KATNAL2: variants seen among roughly 807,000 people sequenced by gnomAD.
KATNAL2 encodes katanin p60 ATPase-containing subunit A-like 2.
KATNAL2 carries 52 observed loss-of-function variants against 76.3 expected under a neutral mutation model. The observed-to-expected ratio is 0.68, with a 90% CI of 0.55 to 0.86. KATNAL2 has a LOEUF of 0.86. Ranked by LOEUF, KATNAL2 falls within the 40% of genes least tolerant of loss-of-function variation. KATNAL2 has a pLI of 0.00. For missense variants in KATNAL2, 660 were observed against 668.9 expected, an observed-to-expected ratio of 0.99 and a Z score of 0.15; for synonymous variants, 243 against 244.2, an observed-to-expected ratio of 1.00 and a Z score of 0.05.
At chr18:46,961,803 T>G (rs1843156248) in intron 3 of KATNAL2, among the ~76,000 whole-genome samples, 1 of 152,210 alleles carries the variant, frequency 6.6e-6, no homozygotes, top group Non-Finnish European at 1.5e-5. Context: ...CATTTTTGAT[T>G]TGGGCTTTCT....
At chr18:47,089,395 T>C (rs2062907170) in intron 15 of KATNAL2, among the ~76,000 whole-genome samples, 1 of 152,254 alleles carries the variant, frequency 6.6e-6, no homozygotes. Flanking sequence ...ATATATTTTC[T>C]GGCAAGAGTA....
chr18:47,025,502 A>AGT (rs139200050), intron 3 of KATNAL2, among the ~76,000 whole-genome samples: 1 of 144,656 alleles, frequency 6.9e-6, no homozygotes, highest in East Asian at 2.0e-4. Flanking sequence ...TCTCTCTCTC[A>AGT]GTGTGTGTGT....
In KATNAL2 at chr18:47,090,415, T is replaced by G. The variant is rs78540750; in HGVS notation, c.1212-8828T>G. Among the ~76,000 whole-genome samples the G allele has an allele frequency of 5.5e-3, 835 of 152,206 alleles. 9 individuals carry two copies. The highest frequency in any genetic ancestry group is 0.019 in the African/African-American group (801 of 41,524). On this transcript the variant is annotated intron_variant, in intron 15 of 17. Coordinates refer to ENST00000683218, the MANE Select transcript of KATNAL2 (RefSeq NM_001387690.1). ...AGCCACCGCGCCCAGCCCGAAATAGTATTTCTTGAGCACCTGTTGGGTATT... is the reference window on the plus strand; with the variant it reads ...AGCCACCGCGCCCAGCCCGAAATAGGATTTCTTGAGCACCTGTTGGGTATT...
At chr18:46,932,749 G>A (rs1489499932) in intron 1 of KATNAL2, among the ~76,000 whole-genome samples, 2 of 150,240 alleles carry the variant, frequency 1.3e-5, no homozygotes, top group East Asian at 2.0e-4. Flanking sequence ...CCAAAACCAG[G>A]CAAAGGTAGT....
chr18:47,057,099 G>C lies in KATNAL2; in HGVS notation c.333-1136G>C, dbSNP rs112587607. 4.4e-3 allele frequency among the ~76,000 whole-genome samples: 670 copies of C among 152,230 alleles called. 4 individuals carry two copies. Among genetic ancestry groups the C allele is most frequent in the African/African-American group, 0.016 (651 of 41,538 alleles). ...CCATGTGGACATTGGTGGTGTTATC[G>C]ACATGTGTGGTCTTGCTGGCCAAAT... On this transcript the variant is annotated intron_variant, in intron 6 of 17. Coordinates refer to ENST00000683218, the MANE Select transcript of KATNAL2 (RefSeq NM_001387690.1).
intron 3 of KATNAL2, among the ~76,000 whole-genome samples, chr18:46,961,541 G>A (rs1307118571): frequency 6.6e-6 from 1 of 152,172 alleles, no homozygotes; most frequent in East Asian, 1.9e-4. Context: ...CCTATTACTA[G>A]CAATAAACTT....
intron 3 of KATNAL2, chr18:47,028,065 AC>A: frequency 1.9e-4 from 1 of 5,358 alleles, no homozygotes; most frequent in Non-Finnish European, 2.7e-4. Context: ...AGCACTTGAC[AC>A]CTGCAGGATT....
rs761204477 is a variant in KATNAL2 at position 47,033,216 on chromosome 18, G to T, written c.52-13241G>T. ...CGCTGCTGCTCTGGCTGGAGGGAGT[G>T]TGGCTGCTTCCCGCGGGCTTGGAGG... is the stretch of plus-strand genomic sequence containing the variant. On this transcript the variant is annotated intron_variant, in intron 3 of 17. Transcript: ENST00000683218. The T allele has an allele frequency of 1.1e-5, 17 of 1,614,036 alleles. No individual in the cohort carries two copies. In the Admixed American group the frequency reaches 2.0e-4, roughly 19 times the overall value.
chr18:46,931,742 G>A (rs72917144), intron 1 of KATNAL2, among the ~76,000 whole-genome samples: 11,539 of 150,814 alleles, frequency 0.077, 468 homozygotes, highest in African/African-American at 0.098. Context: ...AGAGGGAGAG[G>A]GGGAGGGAGG....
At chr18:46,951,806 C>T (rs2059565321) in intron 3 of KATNAL2, among the ~76,000 whole-genome samples, 1 of 152,090 alleles carries the variant, frequency 6.6e-6, no homozygotes, top group Non-Finnish European at 1.5e-5. Context: ...TTATTTTGAG[C>T]AGGGTCTTGC....
At chr18:46,920,684 T>A (rs528279917) in intron 1 of KATNAL2, among the ~76,000 whole-genome samples, 1 of 152,346 alleles carries the variant, frequency 6.6e-6, no homozygotes, top group Non-Finnish European at 1.5e-5. Context: ...TTCAAAGGAA[T>A]GGCTGAGTGG....
In KATNAL2 at chr18:47,068,371, C is replaced by T. The variant is rs183080356; in HGVS notation, c.826-849C>T. ...TCAATACATTTGGATTCTCTTTTCC[C>T]CCTCTTTCTTTCTGTGTTCACACTT... On this transcript the variant is annotated intron_variant, in intron 11 of 17. Transcript: ENST00000683218. 5.9e-5 allele frequency among the ~76,000 whole-genome samples: 9 copies of T among 152,296 alleles called. No homozygotes were observed. In the East Asian group the frequency reaches 1.7e-3, roughly 29 times the overall value.
At position 46,962,127 on chromosome 18, in the gene KATNAL2, G is replaced by A. The variant is rs959057921; in HGVS notation, c.51+15204G>A. ...ATAGGATTTTGGCTCAGCCCTCTAA[G>A]AAGCTGGGACCACAGGGGCCGTGCC... On this transcript the variant is annotated intron_variant, in intron 3 of 17. Transcript: ENST00000683218. Among the ~76,000 whole-genome samples, 16 of 135,778 alleles carry A rather than the reference G, an allele frequency of 1.2e-4. 1 individual carries two copies. Among genetic ancestry groups the A allele is most frequent in the Admixed American group, 3.6e-4 (5 of 13,986 alleles). The allele number at this position is 135,778 out of a possible 152,430, so 89.1% of individuals were successfully genotyped here.
At chr18:47,098,161 CTT>C (rs1312197358) in intron 15 of KATNAL2, 1 of 316,896 alleles carries the variant, frequency 3.2e-6, no homozygotes, top group Non-Finnish European at 6.2e-6. Flanking sequence ...TTTTATTCTA[CTT>C]TTATATTAGC....
At chr18:46,945,811 T>G (rs896780606) in intron 1 of KATNAL2, among the ~76,000 whole-genome samples, 5 of 152,232 alleles carry the variant, frequency 3.3e-5, no homozygotes, top group African/African-American at 1.2e-4. Context: ...GGTCAACAAT[T>G]TCACATGGTG....
At chr18:47,044,525 G>A (rs746620425) in intron 3 of KATNAL2, among the ~76,000 whole-genome samples, 104 of 144,472 alleles carry the variant, frequency 7.2e-4, no homozygotes, top group Non-Finnish European at 8.7e-4. Context: ...TTGGGAGGCC[G>A]AAGCAGGCGG....
rs749400801 is a variant in KATNAL2, at chr18:47,035,298, C to A, written c.52-11159C>A. ...AGCTGTGCAGGCGTCGCTGTCCCGGCGGTCGCAGCTCTGTCTTTGGGGCTG... is the reference window on the plus strand; with the variant it reads ...AGCTGTGCAGGCGTCGCTGTCCCGGAGGTCGCAGCTCTGTCTTTGGGGCTG... On this transcript the variant is annotated intron_variant, in intron 3 of 17. Coordinates refer to ENST00000683218, the MANE Select transcript of KATNAL2 (RefSeq NM_001387690.1). The A allele has an allele frequency of 1.9e-6, 3 of 1,611,606 alleles. No homozygotes were observed. The Admixed American group carries it at 5.0e-5, about 27-fold the overall frequency.
chr18:47,098,717 G>A (rs2063352624), intron 15 of KATNAL2: 1 of 155,816 alleles, frequency 6.4e-6, no homozygotes, highest in South Asian at 2.0e-4. Flanking sequence ...AGGGCCACTG[G>A]TGCTAAGTTC....
intron 15 of KATNAL2, among the ~76,000 whole-genome samples, chr18:47,096,181 T>TA (rs1303735952): frequency 6.6e-6 from 1 of 152,172 alleles, no homozygotes; most frequent in African/African-American, 2.4e-5. Flanking sequence ...AGGATTCAGA[T>TA]ATGTTCCCTG....
Sources: allele counts gnomAD v4.1 joint callset (sites outside exome capture counted in the v4.1 genomes callset), GRCh38; gene constraint gnomAD v4.1.1; transcripts MANE v1.5; gene names NCBI Gene and HGNC (gene_info 2026-07-23, HGNC 2026-07-21).